The following DNAJC5 variants were observed in gnomAD, a reference collection of about 807,000 sequenced individuals.
DNAJC5 encodes DnaJ heat shock protein family (Hsp40) member C5.
Under a neutral mutation model 23.2 loss-of-function variants are expected in DNAJC5, and 1 was observed. That is an observed-to-expected ratio of 0.04 (90% confidence interval 0.02 to 0.20). DNAJC5 has a LOEUF of 0.20. DNAJC5 is among the 10% of genes least tolerant of loss of function. DNAJC5 has a pLI of 1.00. For missense variants in DNAJC5, 180 were observed against 267.0 expected, an observed-to-expected ratio of 0.67 and a Z score of 2.27; for synonymous variants, 136 against 120.0, an observed-to-expected ratio of 1.13 and a Z score of -0.87.
intron 1 of DNAJC5, among the ~76,000 whole-genome samples, chr20:63,910,571 C>G (rs548287977): frequency 1.3e-5 from 2 of 151,856 alleles, no homozygotes; most frequent in East Asian, 3.9e-4. Flanking sequence ...GCGCTTGGGA[C>G]TGGGAGGGCG....
chr20:63,925,628 G>A (rs1005987328), intron 1 of DNAJC5, among the ~76,000 whole-genome samples: 7 of 152,116 alleles, frequency 4.6e-5, no homozygotes, highest in African/African-American at 1.7e-4. Flanking sequence ...GCTTTAAACT[G>A]TCTTTGGCTT....
intron 3 of DNAJC5, among the ~76,000 whole-genome samples, chr20:63,930,452 A>G (rs1600887271): frequency 6.6e-6 from 1 of 152,034 alleles, no homozygotes; most frequent in Admixed American, 6.5e-5. Flanking sequence ...GGTTCACGCC[A>G]TTCTCCTGCC....
In DNAJC5 at chr20:63,929,658, A is replaced by G. The variant is rs2295437; in HGVS notation, c.321+133A>G. 7.7e-3 allele frequency: 5,391 copies of G among 697,386 alleles called. 235 individuals carry two copies. The East Asian group carries it at 0.097, about 13-fold the overall frequency. 43.2% of individuals were successfully genotyped at this position (697,386 alleles called of 1,614,324 possible). A position where few individuals can be genotyped will look rare whatever the true frequency, so the allele number is the denominator to read the frequency against. On this transcript the variant is annotated intron_variant, in intron 3 of 4. Transcript: ENST00000360864. The surrounding 1 kb of genome is among the most constrained non-coding windows in gnomAD (Gnocchi z 8.6). Reference sequence around the variant, plus strand: ...CCCGAGTCTCTCCTGCCGTGCGGGCACCCGAGTCTCTCCTGCCGTGCGGGC... The same window carrying G: ...CCCGAGTCTCTCCTGCCGTGCGGGCGCCCGAGTCTCTCCTGCCGTGCGGGC...
intron 1 of DNAJC5, among the ~76,000 whole-genome samples, chr20:63,915,198 T>A (rs891662707): frequency 2.0e-5 from 3 of 151,980 alleles, no homozygotes; most frequent in Admixed American, 1.3e-4. Context: ...TTCCTGTGGG[T>A]GACAAGTGTC....
At chr20:63,925,514 T>A (rs548068647) in intron 1 of DNAJC5, among the ~76,000 whole-genome samples, 1 of 151,320 alleles carries the variant, frequency 6.6e-6, no homozygotes, top group East Asian at 2.0e-4. Flanking sequence ...GGTAGGTATG[T>A]GTAAAATAGG....
intron 1 of DNAJC5, among the ~76,000 whole-genome samples, chr20:63,902,316 A>G (rs1319885741): frequency 2.0e-5 from 3 of 150,144 alleles, no homozygotes; most frequent in Non-Finnish European, 2.9e-5. Flanking sequence ...GGCCTCCGAA[A>G]GTGCTGGGAT....
chr20:63,928,480 C>T lies in DNAJC5; in HGVS notation c.107+28C>T, dbSNP rs767907324. The T allele has an allele frequency of 6.4e-7, 1 of 1,572,828 alleles. No individual in the cohort carries two copies. Among genetic ancestry groups the T allele is most frequent in the Non-Finnish European group, 8.8e-7 (1 of 1,142,652 alleles). ...AAGTGGACAAGTGTGGCCCCCACAT[C>T]CCCCCAGGAAGACACACATGCCCCG... On this transcript the variant is annotated intron_variant, in intron 2 of 4. Transcript: ENST00000360864. The surrounding 1 kb of genome is among the most constrained non-coding windows in gnomAD (Gnocchi z 4.6).
intron 1 of DNAJC5, chr20:63,919,321 C>G (rs546032855): frequency 4.1e-6 from 2 of 490,276 alleles, no homozygotes; most frequent in African/African-American, 3.9e-5. Context: ...ATCGATGCAT[C>G]GTAACTGTTG....
intron 1 of DNAJC5, among the ~76,000 whole-genome samples, chr20:63,921,648 G>T (rs1270626816): frequency 6.6e-6 from 1 of 151,726 alleles, no homozygotes; most frequent in African/African-American, 2.4e-5. Flanking sequence ...CAGAAATGAA[G>T]ACTGCGAATA....
At position 63,934,942 on chromosome 20, in the gene DNAJC5, C is replaced by T. The variant is rs2053705746; in HGVS notation, c.*3374C>T. ...GCGGGCAGAGTTCAGCGCTTGTCCACCCTCCCTTAGCTCTGACTCAGTGCA... is the reference window on the plus strand; with the variant it reads ...GCGGGCAGAGTTCAGCGCTTGTCCATCCTCCCTTAGCTCTGACTCAGTGCA... On this transcript the variant is annotated 3_prime_UTR_variant, in exon 5 of 5. Transcript: ENST00000360864. The T allele has an allele frequency of 6.6e-6, 1 of 152,258 alleles. No homozygotes were observed. Among genetic ancestry groups the T allele is most frequent in the Non-Finnish European group, 1.5e-5 (1 of 68,092 alleles). 9.4% of individuals were successfully genotyped at this position (152,258 alleles called of 1,614,324 possible). A position where few individuals can be genotyped will look rare whatever the true frequency, so the allele number is the denominator to read the frequency against.
At chr20:63,909,295 C>T (rs952707346) in intron 1 of DNAJC5, among the ~76,000 whole-genome samples, 8 of 150,438 alleles carry the variant, frequency 5.3e-5, no homozygotes, top group Non-Finnish European at 1.0e-4. Flanking sequence ...GTCAGGAGAT[C>T]GATACATCCT....
At chr20:63,896,269 C>T (rs1299556783) in intron 1 of DNAJC5, among the ~76,000 whole-genome samples, 2 of 152,214 alleles carry the variant, frequency 1.3e-5, no homozygotes, top group Non-Finnish European at 2.9e-5. Flanking sequence ...AAAAAAATGT[C>T]AGCTGAGTTT....
chr20:63,899,828 A>G (rs549617927), intron 1 of DNAJC5, among the ~76,000 whole-genome samples: 38 of 146,110 alleles, frequency 2.6e-4, no homozygotes, highest in African/African-American at 6.7e-4. Context: ...TGATCCGCCC[A>G]TCTTGGCCTC....
rs1424655379 is a variant in DNAJC5, at chr20:63,932,201, G to T, written c.*633G>T. 1 of 158,708 alleles carries T rather than the reference G, an allele frequency of 6.3e-6. No homozygotes were observed. The highest frequency in any genetic ancestry group is 1.4e-5 in the Non-Finnish European group (1 of 71,560). 9.8% of individuals were successfully genotyped at this position (158,708 alleles called of 1,614,324 possible). ...GGTCTGTGGTTTCCTGGGCCTTGTG[G>T]CAGGGTTTCTCCCGTGGGAGAATTT... On this transcript the variant is annotated 3_prime_UTR_variant, in exon 5 of 5. Coordinates refer to ENST00000360864, the MANE Select transcript of DNAJC5 (RefSeq NM_025219.3). The surrounding 1 kb of genome is among the most constrained non-coding windows in gnomAD (Gnocchi z 4.4).
Position 63,929,195 on chromosome 20 carries a change from C to A in DNAJC5, c.108-117C>A. On this transcript the variant is annotated intron_variant, in intron 2 of 4. Transcript: ENST00000360864. The surrounding 1 kb of genome is among the most constrained non-coding windows in gnomAD (Gnocchi z 8.6). The stretch of plus-strand genomic sequence containing the variant: ...CCTGGAGAGTCGGACAGTGAGGTGG[C>A]CTGGGTGGACCTGCCTTCCACTGCA... 1 of 1,211,976 alleles carries A rather than the reference C, an allele frequency of 8.3e-7. No homozygotes were observed. The highest frequency in any genetic ancestry group is 1.2e-6 in the Non-Finnish European group (1 of 841,608). The allele number at this position is 1,211,976 out of a possible 1,614,324, so 75.1% of individuals were successfully genotyped here. A position where few individuals can be genotyped will look rare whatever the true frequency, so the allele number is the denominator to read the frequency against.
chr20:63,914,508 G>A (rs1443963533), intron 1 of DNAJC5, among the ~76,000 whole-genome samples: 6 of 151,968 alleles, frequency 3.9e-5, no homozygotes, highest in South Asian at 2.1e-4. Context: ...TTGTAGAGAC[G>A]GGGTTTCACG....
chr20:63,909,305 T>C (rs915816078), intron 1 of DNAJC5, among the ~76,000 whole-genome samples: 13 of 150,834 alleles, frequency 8.6e-5, no homozygotes, highest in Non-Finnish European at 1.5e-5. Context: ...CGATACATCC[T>C]GGCTAACACA....
intron 1 of DNAJC5, among the ~76,000 whole-genome samples, chr20:63,913,460 G>A (rs184821125): frequency 3.9e-4 from 59 of 151,106 alleles, no homozygotes; most frequent in African/African-American, 1.3e-3. Context: ...GCAGTGGTGC[G>A]GTCTCAGCTC....
chr20:63,908,632 T>A (rs981980946), intron 1 of DNAJC5, among the ~76,000 whole-genome samples: 1 of 152,222 alleles, frequency 6.6e-6, no homozygotes, highest in Admixed American at 6.5e-5. Flanking sequence ...TTGAATGTTG[T>A]GATTATTATA....
Sources: gnomAD v4.1 joint callset for allele counts (sites outside exome capture counted in the v4.1 genomes callset) on GRCh38, gnomAD v4.1.1 for gene constraint, Gnocchi (gnomAD v3.1) non-coding constraint, MANE v1.5 for transcripts, NCBI Gene and HGNC (gene_info 2026-07-23, HGNC 2026-07-21) for gene names.